Variants in ARPP21 observed in about 807,000 individuals in gnomAD.
ARPP21 encodes cAMP regulated phosphoprotein 21.
ARPP21 carries 69 observed loss-of-function variants against 113.2 expected under a neutral mutation model. That is an observed-to-expected ratio of 0.61 (90% CI 0.50 to 0.74). The LOEUF (loss-of-function observed/expected upper bound fraction) is 0.74. Among genes scored for constraint, ARPP21 ranks in the 30% least tolerant of loss-of-function variants. The pLI is 0.00. For missense variants in ARPP21, 1,070 were observed against 1,037.4 expected (o/e 1.03, Z -0.43); for synonymous variants, 368 against 375.5 (o/e 0.98, Z 0.23).
intron 19 of ARPP21, among the ~76,000 whole-genome samples, chr3:35,769,259 G>A (rs894412043): frequency 5.3e-5 from 8 of 152,116 alleles, no homozygotes; most frequent in Admixed American, 1.3e-4. Flanking sequence ...ACATGCCCGC[G>A]AAGAGGCACT....
At chr3:35,753,363 C>A (rs1031293613) in intron 19 of ARPP21, among the ~76,000 whole-genome samples, 5 of 151,856 alleles carry the variant, frequency 3.3e-5, no homozygotes, top group African/African-American at 9.6e-5. Flanking sequence ...ATGTCTCAGA[C>A]CTTTTGGGAA....
At chr3:35,757,154 C>A (rs1178250374) in intron 19 of ARPP21, among the ~76,000 whole-genome samples, 1 of 149,810 alleles carries the variant, frequency 6.7e-6, no homozygotes, top group Non-Finnish European at 1.5e-5. Flanking sequence ...CTTGAACTGC[C>A]GAGCTCAAAT....
intron 1 of ARPP21, among the ~76,000 whole-genome samples, chr3:35,649,420 T>A (rs1478723567): frequency 6.6e-6 from 1 of 152,162 alleles, no homozygotes; most frequent in Non-Finnish European, 1.5e-5. Flanking sequence ...AAACATTACT[T>A]TTCCATATAA....
intron 11 of ARPP21, among the ~76,000 whole-genome samples, chr3:35,710,542 A>AAC (rs3086903): frequency 0.12 from 15,851 of 132,758 alleles, 872 homozygotes; most frequent in Non-Finnish European, 0.15. Context: ...CTCTCTCTCA[A>AAC]ACACACACAC....
intron 1 of ARPP21, among the ~76,000 whole-genome samples, chr3:35,644,850 A>G (rs188404936): frequency 8.6e-4 from 131 of 152,048 alleles, no homozygotes; most frequent in African/African-American, 3.1e-3. Flanking sequence ...ATTTTTAAAT[A>G]TCTTTACACG....
chr3:35,742,501 C>T (rs1000626637), intron 18 of ARPP21, among the ~76,000 whole-genome samples: 1 of 152,174 alleles, frequency 6.6e-6, no homozygotes, highest in East Asian at 1.9e-4. Context: ...CAGATACTGA[C>T]CCAAGATTGC....
In ARPP21 at chr3:35,738,252, A is replaced by G. The variant is rs1169994051; in HGVS notation, c.1683A>G (p.Gln561=). 2.0e-6 allele frequency: 3 copies of G among 1,536,206 alleles called. No individual in the cohort carries two copies. The highest frequency in any genetic ancestry group is 1.4e-5 in the African/African-American group (1 of 72,988). The change falls in exon 17 of 21, where the codon CAA becomes CAG. Residue 561 remains glutamine (Q), a synonymous_variant. Transcript: ENST00000684406. ...TGCAGGCTTCCTCCCAGTCAGTGCA[A>G]TATCCAGCAGTCTCTTTTCCTCCCC... ...QGLQASSQSV[Q]YPAVSFPPQH...
chr3:35,768,118 GTGTGTGTGTGTGTGTGTGTGTT>G (rs2096056723), intron 19 of ARPP21, among the ~76,000 whole-genome samples: 2 of 138,530 alleles, frequency 1.4e-5, no homozygotes, highest in African/African-American at 2.8e-5. Context: ...GTGTGTGTGT[GTGTGTGTGTGTGTGTGTGTGTT>G]TGCATGATGA....
chr3:35,685,463 CAG>C, intron 5 of ARPP21: 1 of 985,210 alleles, frequency 1.0e-6, no homozygotes, highest in African/African-American at 1.7e-5. Context: ...AATAAAGAAA[CAG>C]ACTTTTGAGT....
chr3:35,773,991 G>A (rs952525233), intron 19 of ARPP21, among the ~76,000 whole-genome samples: 9 of 152,188 alleles, frequency 5.9e-5, no homozygotes, highest in Admixed American at 2.0e-4. Context: ...ACTGTGTCCC[G>A]CTTTTGCTGT....
intron 5 of ARPP21, among the ~76,000 whole-genome samples, chr3:35,686,079 A>G (rs1392945565): frequency 6.6e-6 from 1 of 151,678 alleles, no homozygotes; most frequent in Non-Finnish European, 1.5e-5. Context: ...ATTCATACAT[A>G]CAGAGGCTGG....
intron 19 of ARPP21, among the ~76,000 whole-genome samples, chr3:35,761,017 G>A (rs943703130): frequency 3.3e-5 from 5 of 152,000 alleles, no homozygotes; most frequent in African/African-American, 4.8e-5. Context: ...AGGCAGATCC[G>A]CTTTTCTAAA....
At chr3:35,710,481 T>G (rs1418025209) in intron 11 of ARPP21, among the ~76,000 whole-genome samples, 1 of 151,860 alleles carries the variant, frequency 6.6e-6, no homozygotes, top group African/African-American at 2.4e-5. Flanking sequence ...AGAGATAATT[T>G]TTTTGAAAGT....
At chr3:35,738,378 A>G in intron 17 of ARPP21, 60 bp downstream of exon 17, 1 of 1,409,832 alleles carries the variant, frequency 7.1e-7, no homozygotes, top group Non-Finnish European at 9.7e-7. Flanking sequence ...TGATTTTACT[A>G]CTTTTTTGTG....
At chr3:35,695,141 A>G (rs1415553950) in intron 9 of ARPP21, among the ~76,000 whole-genome samples, 2 of 151,344 alleles carry the variant, frequency 1.3e-5, no homozygotes, top group Non-Finnish European at 3.0e-5. Context: ...TGATTGTTCA[A>G]CTCCATAGAC....
intron 19 of ARPP21, chr3:35,744,352 C>T (rs1576530730): frequency 5.4e-6 from 2 of 371,954 alleles, no homozygotes; most frequent in African/African-American, 2.2e-5. Context: ...GTTTCAATAT[C>T]GTGCTAAAAG....
At chr3:35,737,008 A>T (rs1033492099) in intron 15 of ARPP21, among the ~76,000 whole-genome samples, 170 bp from the exon 16 acceptor site, 1 of 152,210 alleles carries the variant, frequency 6.6e-6, no homozygotes, top group Non-Finnish European at 1.5e-5. Flanking sequence ...AGCTTAAGCG[A>T]TGGGTCACAA....
At chr3:35,700,321 T>C (rs571448595) in intron 9 of ARPP21, among the ~76,000 whole-genome samples, 1 of 151,940 alleles carries the variant, frequency 6.6e-6, no homozygotes, top group East Asian at 1.9e-4. Flanking sequence ...CTTTAAACTA[T>C]TTTAGCTATT....
chr3:35,648,325 G>A (rs1036182592), intron 1 of ARPP21, among the ~76,000 whole-genome samples: 4 of 152,164 alleles, frequency 2.6e-5, no homozygotes, highest in Non-Finnish European at 5.9e-5. Context: ...TTTAAATGGG[G>A]TGAATAAATA....
Sources: allele counts gnomAD v4.1 joint callset (sites outside exome capture counted in the v4.1 genomes callset), GRCh38; gene constraint gnomAD v4.1.1; transcripts MANE v1.5; gene names NCBI Gene and HGNC (gene_info 2026-07-23, HGNC 2026-07-21).